KDM2A: variants seen among roughly 807,000 people sequenced by gnomAD.
The protein encoded by KDM2A is lysine-specific demethylase 2A.
KDM2A carries 3 observed loss-of-function variants against 137.3 expected under a neutral mutation model. The observed-to-expected ratio is 0.02, with a 90% CI of 0.01 to 0.06. The LOEUF (loss-of-function observed/expected upper bound fraction) is 0.06, where lower values mean the gene tolerates loss of function less well. KDM2A is among the 10% of genes least tolerant of loss of function. The probability of loss-of-function intolerance (pLI) is 1.00; values close to 1 mark genes in which losing one functional copy is unlikely to be tolerated. For synonymous variants in KDM2A, 512 were observed against 541.5 expected, an observed-to-expected ratio of 0.95 and a Z score of 0.76; for missense variants, 738 against 1,510.6, an observed-to-expected ratio of 0.49 and a Z score of 8.48.
chr11:67,255,320 C>T lies in KDM2A; in HGVS notation c.*265C>T, dbSNP rs978512538. On this transcript the variant is annotated 3_prime_UTR_variant, in exon 21 of 21. Coordinates refer to ENST00000529006, the MANE Select transcript of KDM2A (RefSeq NM_012308.3). ...AGGCTGTGCTGTCGAGGCGCCTGCTCGCTTACTCGCCTGCCAGGAGGCCGG... is the reference window on the plus strand; with the variant it reads ...AGGCTGTGCTGTCGAGGCGCCTGCTTGCTTACTCGCCTGCCAGGAGGCCGG... 1.4e-5 allele frequency: 7 copies of T among 508,836 alleles called. No individual in the cohort carries two copies. Among genetic ancestry groups the T allele is most frequent in the East Asian group, 3.7e-5 (1 of 26,900 alleles). The allele number at this position is 508,836 out of a possible 1,614,324, so 31.5% of individuals were successfully genotyped here.
At chr11:67,122,258 A>G (rs1012410951) in intron 2 of KDM2A, among the ~76,000 whole-genome samples, 1 of 152,196 alleles carries the variant, frequency 6.6e-6, no homozygotes, top group Non-Finnish European at 1.5e-5. Flanking sequence ...TGAATTTAGG[A>G]GAAAAAGAAT....
intron 10 of KDM2A, among the ~76,000 whole-genome samples, chr11:67,225,140 A>G (rs1858499805): frequency 1.3e-5 from 2 of 151,912 alleles, no homozygotes; most frequent in Admixed American, 1.3e-4. Flanking sequence ...TGCAGCATTT[A>G]CCCCAAGATA....
intron 2 of KDM2A, among the ~76,000 whole-genome samples, chr11:67,177,458 T>G (rs556190846): frequency 6.6e-6 from 1 of 152,334 alleles, no homozygotes; most frequent in Non-Finnish European, 1.5e-5. Flanking sequence ...TAAAGTTTTT[T>G]TTTTAACTTT....
intron 2 of KDM2A, among the ~76,000 whole-genome samples, chr11:67,146,668 C>T (rs1400250936): frequency 1.3e-5 from 2 of 152,018 alleles, no homozygotes; most frequent in African/African-American, 4.8e-5. Flanking sequence ...ACCACTACAC[C>T]TGGCTAATTT....
intron 2 of KDM2A, among the ~76,000 whole-genome samples, chr11:67,165,620 A>G (rs1856723657): frequency 6.6e-6 from 1 of 152,170 alleles, no homozygotes; most frequent in Non-Finnish European, 1.5e-5. Context: ...GATGAGAGGA[A>G]TGTAGCAAAG....
At chr11:67,144,313 G>C (rs1856194158) in intron 2 of KDM2A, among the ~76,000 whole-genome samples, 1 of 137,760 alleles carries the variant, frequency 7.3e-6, no homozygotes, top group African/African-American at 2.7e-5. Flanking sequence ...AGTGCAGTGG[G>C]GTGACCTCTG....
At chr11:67,215,203 A>AT (rs1590793642) in intron 6 of KDM2A, 137 bp from the exon 7 acceptor site, 8 of 547,874 alleles carry the variant, frequency 1.5e-5, no homozygotes, top group South Asian at 2.6e-5. Context: ...TCGCCAACAG[A>AT]TTTTTTTAAT....
At chr11:67,177,337 A>G (rs889719642) in intron 2 of KDM2A, among the ~76,000 whole-genome samples, 1 of 152,202 alleles carries the variant, frequency 6.6e-6, no homozygotes, top group Non-Finnish European at 1.5e-5. Context: ...ATACTTTTGA[A>G]CATTTTCTAA....
intron 2 of KDM2A, among the ~76,000 whole-genome samples, chr11:67,165,631 C>T (rs1485817766): frequency 1.3e-5 from 2 of 152,142 alleles, no homozygotes; most frequent in African/African-American, 4.8e-5. Flanking sequence ...TGTAGCAAAG[C>T]TGGAAAATAG....
intron 2 of KDM2A, among the ~76,000 whole-genome samples, chr11:67,171,375 A>T (rs1373820736): frequency 2.6e-5 from 4 of 152,206 alleles, no homozygotes; most frequent in Non-Finnish European, 5.9e-5. Context: ...TCAATATATA[A>T]TGTAAATAGG....
At chr11:67,185,796 CTTCGT>C (rs1476876853) in intron 5 of KDM2A, among the ~76,000 whole-genome samples, 1 of 152,002 alleles carries the variant, frequency 6.6e-6, no homozygotes, top group Non-Finnish European at 1.5e-5. Context: ...AGTTCGGCCC[CTTCGT>C]GCTTTCTCTC....
chr11:67,123,537 A>G (rs1049861998), intron 2 of KDM2A, among the ~76,000 whole-genome samples: 2 of 152,090 alleles, frequency 1.3e-5, no homozygotes, highest in Non-Finnish European at 2.9e-5. Context: ...AGAAAAAGAG[A>G]TGATGCCATA....
intron 17 of KDM2A, 39 bp from the exon 18 acceptor site, chr11:67,252,654 TC>T: frequency 1.2e-6 from 2 of 1,611,690 alleles, no homozygotes; most frequent in Non-Finnish European, 1.7e-6. Context: ...GCTCCACTGA[TC>T]AAGTTAATGA....
intron 6 of KDM2A, 62 bp from the exon 7 acceptor site, chr11:67,215,278 A>T: frequency 1.9e-6 from 2 of 1,062,850 alleles, no homozygotes; most frequent in Non-Finnish European, 2.8e-6. Context: ...TCTTGACTTT[A>T]AAATTATCTT....
chr11:67,135,828 CT>C (rs1268534354), intron 2 of KDM2A, among the ~76,000 whole-genome samples: 2 of 152,176 alleles, frequency 1.3e-5, no homozygotes, highest in Non-Finnish European at 2.9e-5. Context: ...ATTCACATAT[CT>C]TAATCTATGT....
At chr11:67,181,177 A>G (rs190410660) in intron 3 of KDM2A, 143 bp from the exon 4 acceptor site, 2 of 459,932 alleles carry the variant, frequency 4.3e-6, no homozygotes, top group Non-Finnish European at 7.7e-6. Flanking sequence ...CTTACTAAGC[A>G]TATATTTTAT....
At chr11:67,166,847 C>A (rs138065693) in intron 2 of KDM2A, among the ~76,000 whole-genome samples, 5 of 152,194 alleles carry the variant, frequency 3.3e-5, no homozygotes, top group Middle Eastern at 3.4e-3. Context: ...AAGGCCAAGG[C>A]GGGCGGATCA....
intron 11 of KDM2A, 22 bp from the exon 12 acceptor site, chr11:67,231,544 C>T (rs1475511054): frequency 1.9e-6 from 3 of 1,558,276 alleles, no homozygotes; most frequent in Non-Finnish European, 2.6e-6. Context: ...GTTCTTACTG[C>T]ATTTTTTCTT....
At chr11:67,240,598 C>G (rs551957576) in intron 12 of KDM2A, among the ~76,000 whole-genome samples, 1 of 152,320 alleles carries the variant, frequency 6.6e-6, no homozygotes, top group South Asian at 2.1e-4. Flanking sequence ...TGCCCAGGCA[C>G]CTTCTGTTCT....
Sources: gnomAD v4.1 joint callset for allele counts (sites outside exome capture counted in the v4.1 genomes callset) on GRCh38, gnomAD v4.1.1 for gene constraint, MANE v1.5 for transcripts, NCBI Gene and HGNC (gene_info 2026-07-23, HGNC 2026-07-21) for gene names.